KAT14: variants seen among roughly 807,000 people sequenced by gnomAD.
The protein encoded by KAT14 is lysine acetyltransferase 14.
A neutral mutation model predicts 78.4 loss-of-function variants in KAT14; 66 were observed. That is an observed-to-expected ratio of 0.84 (90% CI 0.69 to 1.03). The LOEUF (loss-of-function observed/expected upper bound fraction) is 1.03. Among genes scored for constraint, KAT14 ranks in the 50% least tolerant of loss-of-function variants. The pLI is 0.00. For synonymous variants in KAT14, 344 were observed against 359.4 expected, an observed-to-expected ratio of 0.96 and a Z score of 0.48; for missense variants, 870 against 972.5, an observed-to-expected ratio of 0.89 and a Z score of 1.40.
chr20:18,162,592 A>G lies in KAT14; in HGVS notation c.1315A>G (p.Arg439Gly). ...AGATTCAAACACATCTTTGCAAACA[A>G]GGGCTAGAGAAAAGAGGAAGCCTCA... is the stretch of plus-strand genomic sequence containing the variant. ...DTDSNTSLQT[R>G]AREKRKPQLE... Residue 439 changes from arginine (R) to glycine (G), a missense_variant, in exon 7 of 11, where the codon AGG (arginine) becomes GGG (glycine). By Grantham distance (125) the Arg-to-Gly change is moderately radical. Coordinates refer to ENST00000688188, the MANE Select transcript of KAT14 (RefSeq NM_001392073.1). The G allele has an allele frequency of 6.2e-7, 1 of 1,614,186 alleles. No individual in the cohort carries two copies.
intron 5 of KAT14, among the ~76,000 whole-genome samples, chr20:18,161,192 C>G (rs1303777373): frequency 6.6e-6 from 1 of 151,454 alleles, no homozygotes; most frequent in Non-Finnish European, 1.5e-5. Context: ...AAAAAAAGTA[C>G]CCATTGAAAT....
chr20:18,178,107 C>CAAAAAAAA (rs60187771), intron 7 of KAT14, among the ~76,000 whole-genome samples: 3 of 144,816 alleles, frequency 2.1e-5, no homozygotes, highest in African/African-American at 8.0e-5. Flanking sequence ...GACTCTATCT[C>CAAAAAAAA]AAAAAAAAAA....
At chr20:18,161,742 A>C in intron 5 of KAT14, 81 bp from the exon 6 acceptor site, 1 of 1,518,688 alleles carries the variant, frequency 6.6e-7, no homozygotes, top group South Asian at 1.3e-5. Flanking sequence ...AAAAGCCGAA[A>C]ACATCTGAAA....
rs571000775 is a variant in KAT14 at position 18,172,164 on chromosome 20, C to T, written c.1668+9219C>T. 9.6e-4 allele frequency among the ~76,000 whole-genome samples: 146 copies of T among 151,694 alleles called. 1 individual carries two copies. The highest frequency in any genetic ancestry group is 3.4e-3 in the Middle Eastern group (1 of 292). The stretch of plus-strand genomic sequence containing the variant: ...TCACCCAGGCTGGAGTGCAGTGGTG[C>T]GATCTCGGCTTACTGCAGCCTCCAC... On this transcript the variant is annotated intron_variant, in intron 7 of 10. Coordinates refer to ENST00000688188, the MANE Select transcript of KAT14 (RefSeq NM_001392073.1).
At chr20:18,169,914 G>C (rs576641863) in intron 7 of KAT14, among the ~76,000 whole-genome samples, 9 of 152,208 alleles carry the variant, frequency 5.9e-5, no homozygotes, top group African/African-American at 1.7e-4. Flanking sequence ...TGCTGATATG[G>C]AGAAAGTTTG....
rs1030407295 is a variant in KAT14, at chr20:18,162,595, G to C, written c.1318G>C (p.Ala440Pro). ...TTCAAACACATCTTTGCAAACAAGG[G>C]CTAGAGAAAAGAGGAAGCCTCAGCT... Reference protein sequence around the residue: ...TDSNTSLQTRAREKRKPQLEK... With the variant: ...TDSNTSLQTRPREKRKPQLEK... The change falls in exon 7 of 11, where the codon GCT (alanine) becomes CCT (proline). Residue 440 changes from alanine (A) to proline (P), a missense_variant. Transcript: ENST00000688188. 3 of 1,614,140 alleles carry C rather than the reference G, an allele frequency of 1.9e-6. No individual in the cohort carries two copies. In the East Asian group the frequency reaches 6.7e-5, roughly 36 times the overall value.
rs545936246 is a variant in KAT14 at position 18,183,406 on chromosome 20, G to A, written c.1981+108G>A. On this transcript the variant is annotated intron_variant, in intron 9 of 10. Coordinates refer to ENST00000688188, the MANE Select transcript of KAT14 (RefSeq NM_001392073.1). ...CCTTAAGATTTTTATTTATGATTTC[G>A]TTTAGTTTGTCTCTGCTAACATGGA... 2.1e-4 allele frequency: 290 copies of A among 1,393,850 alleles called. 1 individual carries two copies. The highest frequency in any genetic ancestry group is 1.7e-3 in the Middle Eastern group (7 of 4,046). The allele number at this position is 1,393,850 out of a possible 1,614,324, so 86.3% of individuals were successfully genotyped here. A position where few individuals can be genotyped will look rare whatever the true frequency, so the allele number is the denominator to read the frequency against.
At chr20:18,158,349 C>T (rs1365401955) in intron 4 of KAT14, among the ~76,000 whole-genome samples, 1 of 152,232 alleles carries the variant, frequency 6.6e-6, no homozygotes, top group East Asian at 1.9e-4. Flanking sequence ...GCCTTCCCAG[C>T]AATACCTTCC....
At chr20:18,182,085 A>G (rs552551738) in intron 8 of KAT14, among the ~76,000 whole-genome samples, 253 of 151,798 alleles carry the variant, frequency 1.7e-3, no homozygotes, top group African/African-American at 5.8e-3. Context: ...TAACTGAAAG[A>G]TTGCTTTGTG....
chr20:18,187,514 G>T lies in KAT14; in HGVS notation c.*55G>T. 6.2e-7 allele frequency: 1 copy of T among 1,605,184 alleles called. No homozygotes were observed. The highest frequency in any genetic ancestry group is 1.1e-5 in the South Asian group (1 of 88,922). On this transcript the variant is annotated 3_prime_UTR_variant, in exon 11 of 11. Coordinates refer to ENST00000688188, the MANE Select transcript of KAT14 (RefSeq NM_001392073.1). ...TGCTATTGGAGAACAGGTCTTTGTG[G>T]AGATCTAAAGGCAGTGATTGATTTC...
intron 9 of KAT14, chr20:18,183,499 T>A: frequency 1.0e-6 from 1 of 984,510 alleles, no homozygotes; most frequent in South Asian, 4.7e-5. Context: ...ACAGTGTTTT[T>A]GTTTGTTTCT....
In KAT14 at chr20:18,159,126, C is replaced by T. The variant is rs375888000; in HGVS notation, c.543C>T (p.Leu181=). 7.1e-5 allele frequency: 115 copies of T among 1,612,716 alleles called. No homozygotes were observed. The highest frequency in any genetic ancestry group is 8.9e-5 in the Non-Finnish European group (105 of 1,179,622). ...GGTGGAGCACCGTGGCAGGTTGCCT[C>T]AGCGTGGGAAGTCCCATGTACTTCC... ...STWWSTVAGC[L]SVGSPMYFRS... Residue 181 remains leucine (L), a synonymous_variant, in exon 5 of 11, where the codon CTC becomes CTT. Transcript: ENST00000688188.
intron 3 of KAT14, among the ~76,000 whole-genome samples, 177 bp downstream of exon 3, chr20:18,145,528 C>T (rs542123035): frequency 8.9e-4 from 135 of 152,304 alleles, no homozygotes; most frequent in Middle Eastern, 3.4e-3. Flanking sequence ...TCGCTGTAAT[C>T]CCAGCACTCT....
chr20:18,157,600 ACT>A (rs1453202747), intron 4 of KAT14, among the ~76,000 whole-genome samples: 3 of 151,338 alleles, frequency 2.0e-5, no homozygotes, highest in Non-Finnish European at 4.4e-5. Context: ...CTATTAAATA[ACT>A]CTCCATTCTC....
rs772493399 is a variant in KAT14 at position 18,142,799 on chromosome 20, T to A, written c.139T>A (p.Ser47Thr). 6.2e-7 allele frequency: 1 copy of A among 1,614,152 alleles called. No individual in the cohort carries two copies. The highest frequency in any genetic ancestry group is 8.5e-7 in the Non-Finnish European group (1 of 1,180,032). ...LLIVESEDQASVDLSHDQSGD... is the reference protein window; with the variant it reads ...LLIVESEDQATVDLSHDQSGD... ...GATCGTCGAATCCGAGGATCAGGCA[T>A]CAGTGGACTTATCGCACGACCAGAG... The change falls in exon 2 of 11, where the codon TCA becomes ACA. Residue 47 changes from serine to threonine, a missense_variant. Physicochemically the swap from Ser to Thr is moderately conservative, Grantham distance 58. Transcript: ENST00000688188.
In KAT14 at chr20:18,181,364, C is replaced by CTTTTTTT. The variant is rs762890490; in HGVS notation, c.1669-330_1669-324dup. Among the ~76,000 whole-genome samples the CTTTTTTT allele has an allele frequency of 4.9e-3, 528 of 106,794 alleles. 10 individuals carry two copies. The highest frequency in any genetic ancestry group is 0.013 in the South Asian group (39 of 3,078). 70.1% of individuals were successfully genotyped at this position (106,794 alleles called of 152,430 possible). The stretch of plus-strand genomic sequence containing the variant: ...ACCAATCCTCAGAGTAATTTTGTTT[C>CTTTTTTT]TTTTTTTTTTTTTTTTTTTTTTGAG... On this transcript the variant is annotated intron_variant, in intron 7 of 10. Coordinates refer to ENST00000688188, the MANE Select transcript of KAT14 (RefSeq NM_001392073.1).
Position 18,181,825 on chromosome 20 carries a change from G to T in KAT14, c.1784G>T (p.Arg595Leu). The T allele has an allele frequency of 6.2e-7, 1 of 1,614,036 alleles. No homozygotes were observed. The highest frequency in any genetic ancestry group is 2.2e-5 in the East Asian group (1 of 44,870). Residue 595 changes from arginine (R) to leucine (L), a missense_variant, in exon 8 of 11, where the codon CGG (arginine) becomes CTG (leucine). Arg to Leu is a moderately radical substitution (Grantham distance 102, BLOSUM62 -2). Transcript: ENST00000688188. ...AGTATTGTCAGCCCTTATACCTCTC[G>T]GATCTTGAAACCTTATATCAGGTAT... ...DQSIVSPYTS[R>L]ILKPYIRRDY...
At chr20:18,170,734 T>G (rs1172230527) in intron 7 of KAT14, among the ~76,000 whole-genome samples, 3 of 152,154 alleles carry the variant, frequency 2.0e-5, no homozygotes, top group African/African-American at 7.2e-5. Flanking sequence ...AGACGGGATT[T>G]CACCGTGTTA....
rs780236782 is a variant in KAT14 at position 18,142,191 on chromosome 20, G to C, written c.-453-17G>C. The C allele has an allele frequency of 1.2e-5, 19 of 1,535,306 alleles. No homozygotes were observed. The South Asian group carries it at 1.8e-4, about 14-fold the overall frequency. The stretch of plus-strand genomic sequence containing the variant: ...CCTGTTCGGGATGTTACTGAAATCT[G>C]TTTCTTACGTTTTTAGAGGCTTCGT... On this transcript the variant is annotated splice_polypyrimidine_tract_variant and intron_variant, in intron 1 of 10. Transcript: ENST00000688188.
Sources: gnomAD v4.1 joint callset for allele counts (sites outside exome capture counted in the v4.1 genomes callset) on GRCh38, gnomAD v4.1.1 for gene constraint, MANE v1.5 for transcripts, NCBI Gene and HGNC (gene_info 2026-07-23, HGNC 2026-07-21) for gene names.